The following MAPKAPK5 variants were observed in gnomAD, a reference collection of about 807,000 sequenced individuals.
MAPKAPK5 encodes MAPK activated protein kinase 5.
A neutral mutation model predicts 65.1 loss-of-function variants in MAPKAPK5; 30 were observed. The observed-to-expected ratio is 0.46, with a 90% CI of 0.34 to 0.63. MAPKAPK5 has a LOEUF of 0.63. Ranked by LOEUF, MAPKAPK5 falls within the 20% of genes least tolerant of loss-of-function variation. MAPKAPK5 has a pLI of 0.01. For missense variants in MAPKAPK5, 433 were observed against 581.4 expected (o/e 0.74, Z 2.63); for synonymous variants, 179 against 204.6 (o/e 0.87, Z 1.07).
rs549609313 is a variant in MAPKAPK5, at chr12:111,893,091, A to T, written c.*30A>T. On this transcript the variant is annotated 3_prime_UTR_variant, in exon 14 of 14. Coordinates refer to ENST00000550735, the MANE Select transcript of MAPKAPK5 (RefSeq NM_003668.4). The stretch of plus-strand genomic sequence containing the variant: ...AGCTTCAGACTTTGTTTTTTTAACA[A>T]TTTGAAAAATTATTCTTTAATGTAT... The T allele has an allele frequency of 6.9e-7, 1 of 1,438,942 alleles. No individual in the cohort carries two copies. The highest frequency in any genetic ancestry group is 9.4e-7 in the Non-Finnish European group (1 of 1,065,008). 89.1% of individuals were successfully genotyped at this position (1,438,942 alleles called of 1,614,324 possible).
rs1158077542 is a variant in MAPKAPK5, at chr12:111,894,547, T to G, written c.*1486T>G. 6.9e-6 allele frequency: 1 copy of G among 144,246 alleles called. No homozygotes were observed. The highest frequency in any genetic ancestry group is 6.9e-5 in the Admixed American group (1 of 14,556). The allele number at this position is 144,246 out of a possible 1,614,324, so 8.9% of individuals were successfully genotyped here. ...ATCATGTAAGATGATCCAGTTTTGG[T>G]TTTTTTTTTTATAAGGCTGCCCTGT... On this transcript the variant is annotated 3_prime_UTR_variant, in exon 14 of 14. Coordinates refer to ENST00000550735, the MANE Select transcript of MAPKAPK5 (RefSeq NM_003668.4).
chr12:111,884,147 A>G (rs533412414), intron 9 of MAPKAPK5, among the ~76,000 whole-genome samples: 1 of 152,314 alleles, frequency 6.6e-6, no homozygotes, highest in East Asian at 1.9e-4. Flanking sequence ...GATGACAAAC[A>G]GCATCCTTGG....
intron 1 of MAPKAPK5, among the ~76,000 whole-genome samples, chr12:111,852,511 A>G (rs988258370): frequency 2.0e-5 from 3 of 152,252 alleles, no homozygotes; most frequent in Non-Finnish European, 4.4e-5. Context: ...TGTAATACAT[A>G]AAATATGTGT....
intron 11 of MAPKAPK5, 80 bp from the exon 12 acceptor site, chr12:111,888,805 T>A: frequency 6.4e-7 from 1 of 1,555,042 alleles, no homozygotes. Context: ...ATCTGTTGCC[T>A]TATGTTTAGA....
intron 5 of MAPKAPK5, 55 bp downstream of exon 5, chr12:111,868,916 A>G: frequency 1.5e-6 from 2 of 1,299,780 alleles, no homozygotes; most frequent in South Asian, 2.6e-5. Flanking sequence ...TAACAAGCAC[A>G]ATTTCATTGG....
In MAPKAPK5 at chr12:111,896,914, C is replaced by T. The variant is rs2070842243; in HGVS notation, c.*3853C>T. On this transcript the variant is annotated 3_prime_UTR_variant, in exon 14 of 14. Coordinates refer to ENST00000550735, the MANE Select transcript of MAPKAPK5 (RefSeq NM_003668.4). Reference sequence around the variant, plus strand: ...TGGGAAGCTGAGGCGGGCAGATCACCTTAGGTCAAGAGTTCAAGACCAGCT... The same window carrying T: ...TGGGAAGCTGAGGCGGGCAGATCACTTTAGGTCAAGAGTTCAAGACCAGCT... 1.3e-5 allele frequency: 2 copies of T among 152,130 alleles called. No individual in the cohort carries two copies. The highest frequency in any genetic ancestry group is 4.1e-4 in the South Asian group (2 of 4,822). The allele number at this position is 152,130 out of a possible 1,614,324, so 9.4% of individuals were successfully genotyped here.
chr12:111,892,900 T>A (rs2070666573), intron 13 of MAPKAPK5, 67 bp from the exon 14 acceptor site: 1 of 1,150,350 alleles, frequency 8.7e-7, no homozygotes, highest in African/African-American at 1.5e-5. Flanking sequence ...CCTTATTGGG[T>A]CTCTGTCAAG....
chr12:111,888,464 AC>A, intron 10 of MAPKAPK5, 23 bp from the exon 11 acceptor site: 2 of 1,611,326 alleles, frequency 1.2e-6, no homozygotes, highest in Non-Finnish European at 1.7e-6. Flanking sequence ...AATATGAAAA[AC>A]TGACGGCAGT....
intron 1 of MAPKAPK5, among the ~76,000 whole-genome samples, chr12:111,854,204 A>G (rs2069168991): frequency 6.6e-6 from 1 of 151,852 alleles, no homozygotes; most frequent in African/African-American, 2.4e-5. Context: ...ATTACTATGA[A>G]CATAGTAAAG....
chr12:111,885,522 C>G (rs1004452589), intron 9 of MAPKAPK5: 2 of 163,272 alleles, frequency 1.2e-5, no homozygotes, highest in Non-Finnish European at 2.7e-5. Context: ...TCAACTAATT[C>G]TGCAGCCACT....
At position 111,901,199 on chromosome 12, in the gene MAPKAPK5, C is replaced by A. The variant is rs565440614; in HGVS notation, c.*8138C>A. 18 of 455,896 alleles carry A rather than the reference C, an allele frequency of 3.9e-5. No homozygotes were observed. Among genetic ancestry groups the A allele is most frequent in the African/African-American group, 3.6e-4 (18 of 50,058 alleles). 28.2% of individuals were successfully genotyped at this position (455,896 alleles called of 1,614,324 possible). ...ACAATGGCACTTACTGTGCACCAAACAAAGTCTGCCTGAATTCCGCCTGCA... is the reference window on the plus strand; with the variant it reads ...ACAATGGCACTTACTGTGCACCAAAAAAAGTCTGCCTGAATTCCGCCTGCA... On this transcript the variant is annotated 3_prime_UTR_variant, in exon 14 of 14. Transcript: ENST00000550735.
chr12:111,857,881 G>GTT (rs372214089), intron 1 of MAPKAPK5, among the ~76,000 whole-genome samples: 1 of 150,568 alleles, frequency 6.6e-6, no homozygotes, highest in Admixed American at 6.7e-5. Flanking sequence ...CTCTTTCAGT[G>GTT]TTTTTTTTTG....
rs755904783 is a variant in MAPKAPK5, at chr12:111,883,620, A to G, written c.700A>G (p.Met234Val). The G allele has an allele frequency of 4.3e-6, 7 of 1,613,826 alleles. No individual in the cohort carries two copies. The highest frequency in any genetic ancestry group is 1.6e-4 in the Middle Eastern group (1 of 6,062). ...LWSLGVIIYV[M>V]LCGYPPFYSK... ...GTCCCTAGGGGTGATTATCTATGTG[A>G]TGCTGTGCGGATACCCTCCTTTTTA... Residue 234 changes from methionine to valine, a missense_variant, in exon 9 of 14, where the codon ATG (methionine) becomes GTG (valine). By Grantham distance (21) the Met-to-Val change is conservative. Around this residue, in one of 3 missense-constraint regions of MAPKAPK5, gnomAD observed 99 missense variants for 185.8 expected, o/e 0.53. Coordinates refer to ENST00000550735, the MANE Select transcript of MAPKAPK5 (RefSeq NM_003668.4). The surrounding 1 kb of genome is among the most constrained non-coding windows in gnomAD (Gnocchi z 4.8).
In MAPKAPK5 at chr12:111,900,611, CTG is replaced by C. The variant is rs573630793; in HGVS notation, c.*7553_*7554del. The C allele has an allele frequency of 4.5e-4, 203 of 456,134 alleles. 4 individuals are homozygous for C. The highest frequency in any genetic ancestry group is 3.0e-3 in the South Asian group (195 of 64,560). The allele number at this position is 456,134 out of a possible 1,614,324, so 28.3% of individuals were successfully genotyped here. The stretch of plus-strand genomic sequence containing the variant: ...TGGTGGAGGACACGGAGCAGTGTGA[CTG>C]TGGTTCTCTATGTCAGCATCATGCA... On this transcript the variant is annotated 3_prime_UTR_variant, in exon 14 of 14. Transcript: ENST00000550735.
Position 111,898,169 on chromosome 12 carries a change from C to T in MAPKAPK5, c.*5108C>T, listed in dbSNP as rs2070882646. 6.6e-6 allele frequency: 1 copy of T among 151,760 alleles called. No homozygotes were observed. The highest frequency in any genetic ancestry group is 2.4e-5 in the African/African-American group (1 of 41,288). 9.4% of individuals were successfully genotyped at this position (151,760 alleles called of 1,614,324 possible). On this transcript the variant is annotated 3_prime_UTR_variant, in exon 14 of 14. Transcript: ENST00000550735. ...CCTGGTTAGTCAGCTTTTATTTTGACCCCACAGTTTTTTTTTTGAGACGGA... is the reference window on the plus strand; with the variant it reads ...CCTGGTTAGTCAGCTTTTATTTTGATCCCACAGTTTTTTTTTTGAGACGGA...
At chr12:111,874,642 T>C (rs1224240077) in intron 7 of MAPKAPK5, among the ~76,000 whole-genome samples, 2 of 150,676 alleles carry the variant, frequency 1.3e-5, no homozygotes, top group African/African-American at 4.9e-5. Context: ...TTTATATTTT[T>C]AGTAGAGACA....
chr12:111,902,165 C>T lies in MAPKAPK5; in HGVS notation c.*9104C>T, dbSNP rs1014438504. On this transcript the variant is annotated 3_prime_UTR_variant, in exon 14 of 14. Transcript: ENST00000550735. ...CTAACTTGCCCTATAAATGTGCATTCATCAAAGGAGAAGTTTTTAAATCCA... is the reference window on the plus strand; with the variant it reads ...CTAACTTGCCCTATAAATGTGCATTTATCAAAGGAGAAGTTTTTAAATCCA... The T allele has an allele frequency of 1.3e-5, 2 of 152,186 alleles. No individual in the cohort carries two copies. The highest frequency in any genetic ancestry group is 2.9e-5 in the Non-Finnish European group (2 of 68,046). 9.4% of individuals were successfully genotyped at this position (152,186 alleles called of 1,614,324 possible). A position where few individuals can be genotyped will look rare whatever the true frequency, so the allele number is the denominator to read the frequency against.
intron 2 of MAPKAPK5, 135 bp downstream of exon 2, chr12:111,865,458 A>G: frequency 1.5e-6 from 1 of 658,990 alleles, no homozygotes; most frequent in Non-Finnish European, 2.7e-6. Context: ...TAACAAGTAC[A>G]GGTTTTTATG....
intron 7 of MAPKAPK5, among the ~76,000 whole-genome samples, chr12:111,877,715 C>T (rs2070036790): frequency 6.6e-6 from 1 of 152,270 alleles, no homozygotes; most frequent in East Asian, 1.9e-4. Flanking sequence ...GGGTCTTGCT[C>T]TGCCACCCAG....
Sources: allele counts gnomAD v4.1 joint callset (sites outside exome capture counted in the v4.1 genomes callset), GRCh38; gene constraint gnomAD v4.1.1; regional missense constraint gnomAD v4.1.1; non-coding constraint Gnocchi (gnomAD v3.1); transcripts MANE v1.5; gene names NCBI Gene and HGNC (gene_info 2026-07-23, HGNC 2026-07-21).